GRIK2: variants seen among roughly 807,000 people sequenced by gnomAD.
GRIK2 encodes glutamate receptor ionotropic, kainate 2.
A neutral mutation model predicts 100.3 loss-of-function variants in GRIK2; 32 were observed. The ratio of observed to expected loss-of-function variants is 0.32; its 90% CI spans 0.24 to 0.43. The LOEUF is 0.43. Among genes scored for constraint, GRIK2 ranks in the 20% least tolerant of loss-of-function variants. The pLI is 1.00. For synonymous variants in GRIK2, 417 were observed against 389.4 expected (o/e 1.07, Z -0.83); for missense variants, 843 against 1,114.9 (o/e 0.76, Z 3.47).
rs144912825 is a variant in GRIK2, at chr6:101,840,861, T to C, written c.1318-18426T>C. Among the ~76,000 whole-genome samples, 3 of 152,334 alleles carry C rather than the reference T, an allele frequency of 2.0e-5. No homozygotes were observed. The East Asian group carries it at 5.8e-4, about 29-fold the overall frequency. On this transcript the variant is annotated intron_variant, in intron 10 of 16. Coordinates refer to ENST00000369134, the MANE Select transcript of GRIK2 (RefSeq NM_021956.5). ...TATTGGAAAAGCAAACAAAACATTT[T>C]TTCACTACTTCATCAGAGGATTAAT...
intron 7 of GRIK2, among the ~76,000 whole-genome samples, chr6:101,760,334 T>TA (rs1413173154): frequency 1.7e-5 from 2 of 114,596 alleles, no homozygotes; most frequent in African/African-American, 6.8e-5. Flanking sequence ...TAATTATATA[T>TA]ATTTATTATA....
At chr6:102,031,464 T>G (rs998252456) in intron 14 of GRIK2, among the ~76,000 whole-genome samples, 3 of 135,580 alleles carry the variant, frequency 2.2e-5, no homozygotes, top group Non-Finnish European at 4.8e-5. Context: ...TTTTAAAAAT[T>G]TTTAATAATT....
At chr6:101,627,104 C>T (rs28368701) in intron 4 of GRIK2, among the ~76,000 whole-genome samples, 39,596 of 141,268 alleles carry the variant, frequency 0.28, 6,726 homozygotes, top group Non-Finnish European at 0.4. Context: ...TGTGTGTGTG[C>T]GTGTGTGTGT....
chr6:101,414,543 C>T (rs1412707426), intron 2 of GRIK2, among the ~76,000 whole-genome samples: 1 of 152,126 alleles, frequency 6.6e-6, no homozygotes, highest in Non-Finnish European at 1.5e-5. Context: ...TCATGTCTCT[C>T]TGCAGATTTG....
chr6:101,683,804 G>A (rs1045147323), intron 6 of GRIK2, among the ~76,000 whole-genome samples: 2 of 152,048 alleles, frequency 1.3e-5, no homozygotes, highest in Admixed American at 6.6e-5. Context: ...CTGAATTGAC[G>A]TCTCTTCTGA....
intron 11 of GRIK2, among the ~76,000 whole-genome samples, chr6:101,876,890 A>G (rs1325070077): frequency 3.3e-5 from 5 of 151,948 alleles, no homozygotes; most frequent in Non-Finnish European, 5.9e-5. Context: ...ACTTCTAGGT[A>G]TGTTATTATA....
At chr6:101,888,407 T>C (rs1786808999) in intron 11 of GRIK2, among the ~76,000 whole-genome samples, 1 of 152,232 alleles carries the variant, frequency 6.6e-6, no homozygotes, top group Non-Finnish European at 1.5e-5. Context: ...AGTGCTGTTG[T>C]ACAGCAGCTA....
chr6:101,726,558 T>C (rs1774882225), intron 7 of GRIK2, among the ~76,000 whole-genome samples: 1 of 151,932 alleles, frequency 6.6e-6, no homozygotes, highest in Non-Finnish European at 1.5e-5. Flanking sequence ...GACAGTTATA[T>C]CGATGATTAG....
At chr6:101,418,438 A>G (rs1776257626) in intron 2 of GRIK2, among the ~76,000 whole-genome samples, 1 of 152,180 alleles carries the variant, frequency 6.6e-6, no homozygotes, top group Non-Finnish European at 1.5e-5. Flanking sequence ...TTCTATCGAC[A>G]TTTGTAAAAC....
At chr6:101,905,585 T>C (rs1351413927) in intron 12 of GRIK2, among the ~76,000 whole-genome samples, 1 of 151,544 alleles carries the variant, frequency 6.6e-6, no homozygotes. Context: ...TATAGCTAGA[T>C]TGAGATTATA....
intron 12 of GRIK2, among the ~76,000 whole-genome samples, chr6:101,901,431 A>G (rs1198548747): frequency 6.6e-6 from 1 of 151,934 alleles, no homozygotes; most frequent in African/African-American, 2.4e-5. Flanking sequence ...TTCATGGCAA[A>G]CAATATTATG....
chr6:102,030,694 G>T (rs1169363032), intron 14 of GRIK2, among the ~76,000 whole-genome samples: 1 of 150,856 alleles, frequency 6.6e-6, no homozygotes, highest in Non-Finnish European at 1.5e-5. Flanking sequence ...CTCTTTTTAC[G>T]TTTCAGCCTC....
chr6:101,438,613 G>A (rs1235062422), intron 2 of GRIK2, among the ~76,000 whole-genome samples: 2 of 151,702 alleles, frequency 1.3e-5, no homozygotes, highest in Non-Finnish European at 2.9e-5. Context: ...GCTCAACATC[G>A]TTCTGGCACA....
chr6:101,908,654 A>G (rs1788414574), intron 12 of GRIK2, among the ~76,000 whole-genome samples: 1 of 151,422 alleles, frequency 6.6e-6, no homozygotes, highest in Non-Finnish European at 1.5e-5. Context: ...AATGTAGGCT[A>G]ATTTATTAAA....
intron 5 of GRIK2, 57 bp downstream of exon 5, chr6:101,676,861 G>A: frequency 1.0e-6 from 1 of 965,342 alleles, no homozygotes; most frequent in South Asian, 1.6e-5. Flanking sequence ...CTTACAATAT[G>A]ATCTTCTTTT....
intron 14 of GRIK2, among the ~76,000 whole-genome samples, chr6:101,941,963 GAAAT>G (rs1233695223): frequency 6.6e-6 from 1 of 151,774 alleles, no homozygotes; most frequent in Non-Finnish European, 1.5e-5. Flanking sequence ...TTCAATTTTT[GAAAT>G]AAATAAAGAA....
intron 2 of GRIK2, among the ~76,000 whole-genome samples, chr6:101,598,933 G>A (rs184786608): frequency 6.6e-6 from 1 of 151,336 alleles, no homozygotes; most frequent in Non-Finnish European, 1.5e-5. Flanking sequence ...TTTAATTTTA[G>A]ATTCATGAGT....
At chr6:101,926,308 G>A (rs1789897997) in intron 13 of GRIK2, among the ~76,000 whole-genome samples, 1 of 150,736 alleles carries the variant, frequency 6.6e-6, no homozygotes, top group Non-Finnish European at 1.5e-5. Flanking sequence ...TATGGCACAA[G>A]GTTATTTTAT....
At chr6:101,943,179 T>G (rs536474689) in intron 14 of GRIK2, among the ~76,000 whole-genome samples, 1 of 152,162 alleles carries the variant, frequency 6.6e-6, no homozygotes, top group Non-Finnish European at 1.5e-5. Flanking sequence ...GCCCCAAACC[T>G]TGGCAGCTTC....
Sources: gnomAD v4.1 joint callset for allele counts (sites outside exome capture counted in the v4.1 genomes callset) on GRCh38, gnomAD v4.1.1 for gene constraint, MANE v1.5 for transcripts, NCBI Gene and HGNC (gene_info 2026-07-23, HGNC 2026-07-21) for gene names.